The following SLC16A7 variants were observed in gnomAD, a reference collection of about 807,000 sequenced individuals.
The protein encoded by SLC16A7 is monocarboxylate transporter 2.
Under a neutral mutation model 34.9 loss-of-function variants are expected in SLC16A7, and 33 were observed. The ratio of observed to expected loss-of-function variants is 0.94; its 90% CI spans 0.72 to 1.26. The LOEUF (loss-of-function observed/expected upper bound fraction) is 1.26. Ranked by LOEUF, SLC16A7 falls within the 50% of genes most tolerant of loss-of-function variation. The pLI is 0.00. For missense variants in SLC16A7, 573 were observed against 578.1 expected, an observed-to-expected ratio of 0.99 and a Z score of 0.09; for synonymous variants, 201 against 206.6, an observed-to-expected ratio of 0.97 and a Z score of 0.23.
intron 2 of SLC16A7, among the ~76,000 whole-genome samples, chr12:59,674,207 G>T (rs992841033): frequency 2.6e-5 from 4 of 152,144 alleles, no homozygotes; most frequent in Non-Finnish European, 5.9e-5. Context: ...TAAGGATTCA[G>T]ATAATTCTAG....
At chr12:59,693,834 A>G (rs1447211339) in intron 2 of SLC16A7, among the ~76,000 whole-genome samples, 1 of 151,858 alleles carries the variant, frequency 6.6e-6, no homozygotes, top group East Asian at 1.9e-4. Flanking sequence ...ATGTTGTGTT[A>G]TAGTGGAATC....
intron 3 of SLC16A7, among the ~76,000 whole-genome samples, chr12:59,767,013 G>T (rs1881722573): frequency 1.3e-5 from 2 of 151,968 alleles, no homozygotes; most frequent in South Asian, 2.1e-4. Context: ...TTCAGAGCCT[G>T]TTATTGATCT....
At chr12:59,755,464 GACAA>G (rs1313446529) in intron 3 of SLC16A7, among the ~76,000 whole-genome samples, 1 of 152,020 alleles carries the variant, frequency 6.6e-6, no homozygotes, top group Non-Finnish European at 1.5e-5. Context: ...ACCAATAACA[GACAA>G]ACAGAGAGCC....
At chr12:59,731,673 C>T (rs1343919869) in intron 3 of SLC16A7, among the ~76,000 whole-genome samples, 1 of 152,202 alleles carries the variant, frequency 6.6e-6, no homozygotes, top group Non-Finnish European at 1.5e-5. Flanking sequence ...GTATCTGCAA[C>T]ATGGTTATAG....
At chr12:59,725,552 A>T (rs538463490) in intron 3 of SLC16A7, among the ~76,000 whole-genome samples, 19 of 152,242 alleles carry the variant, frequency 1.2e-4, no homozygotes, top group African/African-American at 4.6e-4. Context: ...TCATCACAAA[A>T]ATAGTATTTT....
intron 2 of SLC16A7, among the ~76,000 whole-genome samples, chr12:59,670,362 G>T (rs944588079): frequency 6.6e-6 from 1 of 151,998 alleles, no homozygotes; most frequent in African/African-American, 2.4e-5. Flanking sequence ...CAGCTTCAAG[G>T]GATCTTTTTT....
rs1288734391 is a variant in SLC16A7, at chr12:59,700,967, ATT to A, written c.-30-3799_-30-3798del. 4.0e-5 allele frequency among the ~76,000 whole-genome samples: 6 copies of A among 151,676 alleles called. No homozygotes were observed. In the East Asian group the frequency reaches 1.2e-3, roughly 29 times the overall value. ...TCTTGTGAGGTAGGTACTCCATGCA[ATT>A]TTTTTCGACGCTCAAGATGAGATCG... On this transcript the variant is annotated intron_variant, in intron 2 of 5. Coordinates refer to ENST00000547379, the MANE Select transcript of SLC16A7 (RefSeq NM_001270623.2).
At chr12:59,742,527 G>A (rs2706292) in intron 3 of SLC16A7, among the ~76,000 whole-genome samples, 18,663 of 152,208 alleles carry the variant, frequency 0.12, 1,496 homozygotes, top group African/African-American at 0.22. Flanking sequence ...AGAAATCACA[G>A]TGGAGATGGG....
chr12:59,733,419 G>A (rs1877191799), intron 3 of SLC16A7, among the ~76,000 whole-genome samples: 1 of 152,190 alleles, frequency 6.6e-6, no homozygotes, highest in Non-Finnish European at 1.5e-5. Context: ...CTTTTTGTGG[G>A]GTGGGCAGCT....
At chr12:59,668,010 A>T (rs1402580374) in intron 2 of SLC16A7, among the ~76,000 whole-genome samples, 1 of 152,246 alleles carries the variant, frequency 6.6e-6, no homozygotes, top group East Asian at 1.9e-4. Flanking sequence ...GTGGATACAC[A>T]GAAGTCAAGA....
At chr12:59,778,671 T>C (rs1882989643) in intron 5 of SLC16A7, among the ~76,000 whole-genome samples, 1 of 147,876 alleles carries the variant, frequency 6.8e-6, no homozygotes, top group Admixed American at 6.8e-5. Context: ...GTGGAATAGT[T>C]TTTTTACTGA....
intron 3 of SLC16A7, among the ~76,000 whole-genome samples, chr12:59,767,048 G>T (rs1056452129): frequency 6.0e-5 from 9 of 150,328 alleles, no homozygotes; most frequent in Non-Finnish European, 8.9e-5. Context: ...CTTCTTCCTG[G>T]TTTAGTCTTG....
intron 1 of SLC16A7, among the ~76,000 whole-genome samples, chr12:59,623,622 C>T (rs1240994827): frequency 1.3e-5 from 2 of 151,714 alleles, no homozygotes; most frequent in East Asian, 1.9e-4. Context: ...GATGTTTTAT[C>T]TATCAAACTT....
intron 1 of SLC16A7, among the ~76,000 whole-genome samples, chr12:59,621,188 C>T (rs1879681520): frequency 6.6e-6 from 1 of 151,852 alleles, no homozygotes. Flanking sequence ...TTAGGGTTAA[C>T]TCATGACTGC....
At chr12:59,649,038 T>C (rs1253897963) in intron 1 of SLC16A7, among the ~76,000 whole-genome samples, 1 of 152,132 alleles carries the variant, frequency 6.6e-6, no homozygotes, top group Non-Finnish European at 1.5e-5. Context: ...AAGAATTTTT[T>C]GCATGAAAGT....
At chr12:59,733,971 G>A in intron 3 of SLC16A7, 1 of 378,826 alleles carries the variant, frequency 2.6e-6, no homozygotes, top group Admixed American at 3.0e-5. Flanking sequence ...CAGAAGGGAG[G>A]AAGTGCATGC....
At chr12:59,722,760 G>A (rs934297781) in intron 3 of SLC16A7, among the ~76,000 whole-genome samples, 1 of 151,874 alleles carries the variant, frequency 6.6e-6, no homozygotes, top group East Asian at 1.9e-4. Flanking sequence ...ACGTCACACG[G>A]TTCTATCCAT....
chr12:59,724,073 A>T (rs1364580586), intron 3 of SLC16A7, among the ~76,000 whole-genome samples: 1 of 152,086 alleles, frequency 6.6e-6, no homozygotes, highest in Non-Finnish European at 1.5e-5. Context: ...AATATTTTAG[A>T]TACCTCACCA....
intron 3 of SLC16A7, among the ~76,000 whole-genome samples, chr12:59,758,938 G>A (rs1432035114): frequency 6.6e-6 from 1 of 151,976 alleles, no homozygotes; most frequent in Non-Finnish European, 1.5e-5. Flanking sequence ...AGGGCTGTCA[G>A]CTGTATTACA....
Sources: gnomAD v4.1 joint callset for allele counts (sites outside exome capture counted in the v4.1 genomes callset) on GRCh38, gnomAD v4.1.1 for gene constraint, MANE v1.5 for transcripts, NCBI Gene and HGNC (gene_info 2026-07-23, HGNC 2026-07-21) for gene names.